ZNF892: variants seen among roughly 807,000 people sequenced by gnomAD.
ZNF892 encodes zinc finger protein 570-like.
At chr2:95,233,095 TG>T in the ZNF892 span, among the ~76,000 whole-genome samples, 1 of 152,220 alleles carries the variant, frequency 6.6e-6, no homozygotes, top group Non-Finnish European at 1.5e-5. Flanking sequence ...TTTTATTTTC[TG>T]GAAGCACACC....
the ZNF892 span, among the ~76,000 whole-genome samples, chr2:95,211,913 A>G: frequency 6.6e-6 from 1 of 152,192 alleles, no homozygotes; most frequent in Non-Finnish European, 1.5e-5. Context: ...CCTTTATTTT[A>G]TGGACTTGTA....
At chr2:95,250,060 G>A in the ZNF892 span, among the ~76,000 whole-genome samples, 2 of 152,066 alleles carry the variant, frequency 1.3e-5, no homozygotes, top group East Asian at 1.9e-4. Flanking sequence ...ATTAAAGCTA[G>A]TAATCTTATT....
the ZNF892 span, among the ~76,000 whole-genome samples, chr2:95,220,537 A>C: frequency 6.6e-6 from 1 of 152,312 alleles, no homozygotes; most frequent in South Asian, 2.1e-4. Context: ...TTTGCTTTGT[A>C]TATAATATCC....
the ZNF892 span, among the ~76,000 whole-genome samples, chr2:95,208,270 T>C: frequency 6.6e-6 from 1 of 152,208 alleles, no homozygotes; most frequent in Non-Finnish European, 1.5e-5. Flanking sequence ...GTTGTATTAA[T>C]ATCTGAAAAG....
chr2:95,212,282 C>A, the ZNF892 span: 1 of 398,486 alleles, frequency 2.5e-6, no homozygotes, highest in Non-Finnish European at 4.4e-6. Flanking sequence ...CAGTCAAAAG[C>A]GTGAGTGTTG....
the ZNF892 span, among the ~76,000 whole-genome samples, chr2:95,215,871 G>T: frequency 6.6e-6 from 1 of 152,204 alleles, no homozygotes; most frequent in Non-Finnish European, 1.5e-5. Flanking sequence ...CCTTGGGAGA[G>T]AAATGGGGTG....
the ZNF892 span, among the ~76,000 whole-genome samples, chr2:95,261,816 A>C: frequency 1.3e-5 from 2 of 152,178 alleles, no homozygotes; most frequent in African/African-American, 4.8e-5. Flanking sequence ...GGGGACCTCC[A>C]GGCAGAAGTC....
the ZNF892 span, among the ~76,000 whole-genome samples, chr2:95,247,195 A>G: frequency 6.6e-6 from 1 of 152,204 alleles, no homozygotes; most frequent in Non-Finnish European, 1.5e-5. Flanking sequence ...GAACCCAGAC[A>G]TAAAGTTGCA....
At chr2:95,256,892 T>C in the ZNF892 span, among the ~76,000 whole-genome samples, 17 of 152,352 alleles carry the variant, frequency 1.1e-4, no homozygotes, top group South Asian at 3.3e-3. Flanking sequence ...GCATTCATCA[T>C]GTAGTTCTTG....
chr2:95,238,863 G>A, the ZNF892 span, among the ~76,000 whole-genome samples: 1 of 152,048 alleles, frequency 6.6e-6, no homozygotes, highest in East Asian at 1.9e-4. Context: ...CCTGGGCCAG[G>A]CGCGGTGGCT....
chr2:95,262,573 G>A, the ZNF892 span, among the ~76,000 whole-genome samples: 24 of 152,358 alleles, frequency 1.6e-4, no homozygotes, highest in East Asian at 4.2e-3. Flanking sequence ...AGCCTGGGAT[G>A]TGGAAGGGAT....
the ZNF892 span, among the ~76,000 whole-genome samples, chr2:95,258,157 G>A: frequency 2.0e-5 from 3 of 152,302 alleles, no homozygotes; most frequent in South Asian, 2.1e-4. Flanking sequence ...CTTCTGCGTC[G>A]CTCACGCTGG....
the ZNF892 span, among the ~76,000 whole-genome samples, chr2:95,230,987 C>T: frequency 1.3e-5 from 2 of 152,172 alleles, no homozygotes; most frequent in Non-Finnish European, 2.9e-5. Flanking sequence ...AGGTCTCACA[C>T]TACTGGTGGG....
the ZNF892 span, among the ~76,000 whole-genome samples, chr2:95,243,719 GC>G: frequency 6.7e-6 from 1 of 150,288 alleles, no homozygotes; most frequent in African/African-American, 2.5e-5. Context: ...GGAGGGAGGT[GC>G]GGGGGTCAGC....
the ZNF892 span, among the ~76,000 whole-genome samples, chr2:95,261,495 A>G: frequency 6.6e-6 from 1 of 152,036 alleles, no homozygotes; most frequent in East Asian, 1.9e-4. Context: ...GGGTTTCACC[A>G]TGTTGACCAG....
At chr2:95,214,400 G>A in the ZNF892 span, 51 of 398,476 alleles carry the variant, frequency 1.3e-4, no homozygotes, top group Middle Eastern at 1.3e-3. Flanking sequence ...AAGAAGAATC[G>A]GCTCCTGGGG....
At chr2:95,218,005 G>T in the ZNF892 span, among the ~76,000 whole-genome samples, 1 of 152,134 alleles carries the variant, frequency 6.6e-6, no homozygotes, top group Non-Finnish European at 1.5e-5. Context: ...GGTTCTGTAG[G>T]ATCTAAGAAG....
At chr2:95,214,459 C>G in the ZNF892 span, 3 of 398,274 alleles carry the variant, frequency 7.5e-6, no homozygotes, top group Non-Finnish European at 1.3e-5. Context: ...TGTGAGGATT[C>G]TTTAGAGAGT....
the ZNF892 span, among the ~76,000 whole-genome samples, chr2:95,222,260 G>A: frequency 7.6e-3 from 1,161 of 152,218 alleles, 14 homozygotes; most frequent in African/African-American, 0.027. Context: ...GCACATTTAG[G>A]TTGTTTATAA....
Sources: gnomAD v4.1 joint callset for allele counts (sites outside exome capture counted in the v4.1 genomes callset) on GRCh38, gnomAD v4.1.1 for gene constraint, MANE v1.5 for transcripts, NCBI Gene and HGNC (gene_info 2026-07-23, HGNC 2026-07-21) for gene names.